The following FRY variants were observed in gnomAD, a reference collection of about 807,000 sequenced individuals.
FRY encodes the protein FRY microtubule binding protein.
A neutral mutation model predicts 348.4 loss-of-function variants in FRY; 128 were observed. The ratio of observed to expected loss-of-function variants is 0.37; its 90% CI spans 0.32 to 0.43. FRY has a LOEUF of 0.43. FRY is among the 20% of genes least tolerant of loss of function. FRY has a pLI of 1.00. For missense variants in FRY, 2,736 were observed against 3,695.2 expected (o/e 0.74, Z 6.73); for synonymous variants, 1,370 against 1,374.7 (o/e 1.00, Z 0.08).
At chr13:32,219,245 C>T (rs1443100601) in intron 36 of FRY, among the ~76,000 whole-genome samples, 2 of 150,272 alleles carry the variant, frequency 1.3e-5, no homozygotes, top group Non-Finnish European at 3.0e-5. Context: ...CCCACCACCA[C>T]GCCCAGCTAA....
intron 16 of FRY, among the ~76,000 whole-genome samples, chr13:32,160,588 T>C (rs1220402758): frequency 6.6e-6 from 1 of 152,178 alleles, no homozygotes; most frequent in Non-Finnish European, 1.5e-5. Flanking sequence ...CCCATCGGTA[T>C]CACTTTAAAA....
chr13:32,231,149 A>G (rs764808026), intron 40 of FRY, 30 bp from the exon 41 acceptor site: 2 of 1,608,482 alleles, frequency 1.2e-6, no homozygotes, highest in Non-Finnish European at 1.7e-6. Context: ...TGACAGTTAT[A>G]TTTTTGACAT....
chr13:32,261,300 G>T (rs887097976), intron 51 of FRY, among the ~76,000 whole-genome samples: 14 of 152,118 alleles, frequency 9.2e-5, no homozygotes, highest in African/African-American at 3.1e-4. Context: ...TGGTCTCTTT[G>T]TTACAGATTT....
chr13:32,115,705 C>G (rs1473876813), intron 3 of FRY, among the ~76,000 whole-genome samples: 1 of 147,372 alleles, frequency 6.8e-6, no homozygotes, highest in Non-Finnish European at 1.5e-5. Context: ...TTTTTTTTTT[C>G]TTGGGTCTCA....
chr13:32,070,458 T>C (rs1874571657), intron 1 of FRY, among the ~76,000 whole-genome samples: 1 of 152,216 alleles, frequency 6.6e-6, no homozygotes, highest in African/African-American at 2.4e-5. Context: ...TGCATTTCTC[T>C]GATAACCAGT....
intron 26 of FRY, among the ~76,000 whole-genome samples, chr13:32,185,666 C>A (rs1434511693): frequency 6.6e-6 from 1 of 152,076 alleles, no homozygotes; most frequent in Non-Finnish European, 1.5e-5. Flanking sequence ...TCTAATAGAA[C>A]ATAGAAAATA....
At chr13:32,135,471 G>A (rs1879654341) in intron 10 of FRY, among the ~76,000 whole-genome samples, 1 of 152,248 alleles carries the variant, frequency 6.6e-6, no homozygotes, top group African/African-American at 2.4e-5. Flanking sequence ...TTTAATTTCT[G>A]AGAACTTTTT....
rs1242990118 is a variant in FRY at position 32,236,167 on chromosome 13, G to T, written c.5805G>T (p.Leu1935Phe). ...AGAACAGTGACCTCCTAACTGTATT[G>T]TCCCGGTGAGAATCAGCTTAATGAT... ...CLKNSDLLTV[L>F]SRSSSPDLSS... Residue 1935 changes from leucine to phenylalanine, a missense_variant, in exon 43 of 61, where the codon TTG becomes TTT. This residue lies in a region of FRY where 794 missense variants were observed against 977.0 expected (regional missense o/e 0.81). Transcript: ENST00000542859. 1 of 1,606,106 alleles carries T rather than the reference G, an allele frequency of 6.2e-7. No homozygotes were observed. The highest frequency in any genetic ancestry group is 1.7e-5 in the Admixed American group (1 of 59,976).
intron 39 of FRY, among the ~76,000 whole-genome samples, chr13:32,226,981 C>G (rs867594916): frequency 6.6e-6 from 1 of 152,186 alleles, no homozygotes; most frequent in Non-Finnish European, 1.5e-5. Flanking sequence ...CTGAAGAGTT[C>G]TAGCTGCTCT....
At chr13:32,268,806 T>A (rs2138572720) in intron 55 of FRY, among the ~76,000 whole-genome samples, 1 of 152,102 alleles carries the variant, frequency 6.6e-6, no homozygotes, top group East Asian at 1.9e-4. Context: ...TAGCTGGGAT[T>A]ACAGGCATGA....
Position 32,178,205 on chromosome 13 carries a change from A to T in FRY, c.2450A>T (p.Asp817Val). 1 of 1,614,158 alleles carries T rather than the reference A, an allele frequency of 6.2e-7. No individual in the cohort carries two copies. ...ACATTACCACTCACCCACAATGTGG[A>T]TCTGCAGTGGTTGGTGGAATGGAAC... ...SATLPLTHNV[D>V]LQWLVEWNAV... The change falls in exon 21 of 61, where the codon GAT (aspartate) becomes GTT (valine). Residue 817 changes from aspartate (D) to valine (V), a missense_variant. By Grantham distance (152) the Asp-to-Val change is radical. Around this residue, in one of 9 missense-constraint regions of FRY, gnomAD observed 449 missense variants for 576.9 expected, o/e 0.78. Coordinates refer to ENST00000542859, the MANE Select transcript of FRY (RefSeq NM_023037.3).
chr13:32,228,213 G>A (rs937321077), intron 39 of FRY, among the ~76,000 whole-genome samples: 1 of 152,192 alleles, frequency 6.6e-6, no homozygotes, highest in African/African-American at 2.4e-5. Flanking sequence ...AAATAGCAGA[G>A]TAGAAAGCAG....
intron 55 of FRY, among the ~76,000 whole-genome samples, chr13:32,268,681 TG>T (rs11380756): frequency 6.7e-6 from 1 of 150,306 alleles, no homozygotes. Flanking sequence ...TCCTATTTTT[TG>T]GGGGGGTGGG....
intron 58 of FRY, among the ~76,000 whole-genome samples, chr13:32,280,435 T>C (rs1045186590): frequency 1.3e-5 from 2 of 152,182 alleles, no homozygotes; most frequent in Non-Finnish European, 2.9e-5. Context: ...ATCCCAGAAG[T>C]AATATATTTT....
chr13:32,217,736 C>G (rs1268720132), intron 35 of FRY, among the ~76,000 whole-genome samples: 4 of 152,210 alleles, frequency 2.6e-5, no homozygotes, highest in Non-Finnish European at 1.5e-5. Context: ...CCTCAGTTTC[C>G]TCATTGTAGA....
rs1046629599 is a variant in FRY at position 32,187,654 on chromosome 13, C to T, written c.3589C>T (p.Arg1197Ter). 3.2e-6 allele frequency: 5 copies of T among 1,556,540 alleles called. No homozygotes were observed. The highest frequency in any genetic ancestry group is 2.7e-6 in the Non-Finnish European group (3 of 1,127,464). ...LDNILACQDLRVHQLGCEVVV... is the reference protein window; with the variant it reads ...LDNILACQDL ...CAACATTCTGGCTTGTCAAGATTTA[C>T]GAGTAAGTATAGGCAAAAATACATT... The change falls in exon 28 of 61, where the codon CGA becomes TGA. Residue 1197 changes from arginine to a stop codon, truncating the protein, a stop_gained and splice_region_variant. Coordinates refer to ENST00000542859, the MANE Select transcript of FRY (RefSeq NM_023037.3). LOFTEE classifies it high-confidence loss of function.
intron 58 of FRY, among the ~76,000 whole-genome samples, chr13:32,283,047 A>C (rs777588577): frequency 1.3e-5 from 2 of 151,830 alleles, no homozygotes; most frequent in Non-Finnish European, 2.9e-5. Context: ...AGGCTGAGGC[A>C]GGAGAATCTC....
rs748193782 is a variant in FRY, at chr13:32,031,789, C to G, written c.-7C>G. The G allele has an allele frequency of 1.9e-6, 3 of 1,596,930 alleles. No homozygotes were observed. The highest frequency in any genetic ancestry group is 2.7e-5 in the African/African-American group (2 of 74,572). ...CCGTCCTCCCAGCCTCTTTGTATGC[C>G]GCAGACATGGCCAGCCAGCAGGATT... On this transcript the variant is annotated 5_prime_UTR_variant, in exon 1 of 61. Coordinates refer to ENST00000542859, the MANE Select transcript of FRY (RefSeq NM_023037.3).
intron 4 of FRY, among the ~76,000 whole-genome samples, chr13:32,122,458 A>T (rs1033869068): frequency 6.6e-6 from 1 of 151,990 alleles, no homozygotes; most frequent in South Asian, 2.1e-4. Flanking sequence ...AAAAAAAGAA[A>T]AAAAAAAGCA....
Sources: allele counts gnomAD v4.1 joint callset (sites outside exome capture counted in the v4.1 genomes callset), GRCh38; gene constraint gnomAD v4.1.1; regional missense constraint gnomAD v4.1.1; transcripts MANE v1.5; gene names NCBI Gene and HGNC (gene_info 2026-07-23, HGNC 2026-07-21).